DNM2: variants seen among roughly 807,000 people sequenced by gnomAD.
The protein encoded by DNM2 is dynamin 2.
A neutral mutation model predicts 99.0 loss-of-function variants in DNM2; 15 were observed. The observed-to-expected ratio is 0.15, with a 90% CI of 0.10 to 0.23. DNM2 has a LOEUF of 0.23. Ranked by LOEUF, DNM2 falls within the 10% of genes least tolerant of loss-of-function variation. The pLI is 1.00. For synonymous variants in DNM2, 525 were observed against 481.2 expected, an observed-to-expected ratio of 1.09 and a Z score of -1.19; for missense variants, 742 against 1,189.4, an observed-to-expected ratio of 0.62 and a Z score of 5.53.
chr19:10,801,034 G>A (rs538815018), intron 11 of DNM2, among the ~76,000 whole-genome samples: 7 of 152,366 alleles, frequency 4.6e-5, no homozygotes, highest in African/African-American at 9.6e-5. Context: ...GGCTGGACAC[G>A]GTGGCTCACG....
chr19:10,819,199 C>CCTCAA lies in DNM2; in HGVS notation c.1672-780_1672-779insTCAAC, dbSNP rs1223010313. On this transcript the variant is annotated intron_variant, in intron 15 of 20. Coordinates refer to ENST00000389253, the MANE Select transcript of DNM2 (RefSeq NM_001005361.3). ...CAGCACTCTGGGAGGCTCGCTTGAA[C>CCTCAA]CCAGGAGTTTAAGACCAGCCTGGGC... 2.0e-5 allele frequency among the ~76,000 whole-genome samples: 3 copies of CCTCAA among 152,258 alleles called. No homozygotes were observed. The East Asian group carries it at 5.8e-4, about 29-fold the overall frequency.
intron 1 of DNM2, among the ~76,000 whole-genome samples, chr19:10,735,953 CACA>C (rs1394296823): frequency 1.3e-4 from 20 of 152,206 alleles, no homozygotes; most frequent in African/African-American, 4.8e-4. Flanking sequence ...TCTCCAAAAC[CACA>C]TATCTTTCTT....
At chr19:10,722,183 C>T (rs935731529) in intron 1 of DNM2, among the ~76,000 whole-genome samples, 4 of 152,182 alleles carry the variant, frequency 2.6e-5, no homozygotes, top group Middle Eastern at 3.4e-3. Context: ...GTAATGGCTT[C>T]GATTTCAGAA....
intron 1 of DNM2, among the ~76,000 whole-genome samples, chr19:10,754,645 A>T (rs1746370130): frequency 6.6e-6 from 1 of 151,962 alleles, no homozygotes; most frequent in African/African-American, 2.4e-5. Context: ...GCTGGAGTGC[A>T]ACGGCGCAAT....
intron 1 of DNM2, among the ~76,000 whole-genome samples, chr19:10,747,916 A>G (rs2070050458): frequency 6.6e-6 from 1 of 152,144 alleles, no homozygotes; most frequent in Non-Finnish European, 1.5e-5. Flanking sequence ...TGCTCTGTTA[A>G]TGCTGCAGGA....
chr19:10,806,136 G>C (rs1173250384), intron 13 of DNM2, among the ~76,000 whole-genome samples, 169 bp downstream of exon 13: 2 of 152,206 alleles, frequency 1.3e-5, no homozygotes, highest in Non-Finnish European at 2.9e-5. Flanking sequence ...AATTCTGGGA[G>C]ATGGCCTGAG....
rs149825590 is a variant in DNM2 at position 10,831,001 on chromosome 19, G to A, written c.2567G>A (p.Ser856Asn). 1.9e-4 allele frequency: 301 copies of A among 1,611,676 alleles called. No individual in the cohort carries two copies. The highest frequency in any genetic ancestry group is 3.1e-5 in the Non-Finnish European group (37 of 1,179,136). ...VPSRRPPAAPSRPTIIRPAEP... is the reference protein window; with the variant it reads ...VPSRRPPAAPNRPTIIRPAEP... ...AGCAGAAGACCCCCTGCTGCGCCCA[G>A]CCGGCCCACCATTATCCGCCCAGCC... The change falls in exon 21 of 21, where the codon AGC becomes AAC. Residue 856 changes from serine to asparagine, a missense_variant. Physicochemically the swap from Ser to Asn is conservative, Grantham distance 46 (BLOSUM62 1). Transcript: ENST00000389253. This position sits in a 1 kb window ranked among gnomAD's most constrained non-coding sequence, Gnocchi z 4.3.
At position 10,831,621 on chromosome 19, in the gene DNM2, C is replaced by T; in HGVS notation, c.*574C>T. The T allele has an allele frequency of 2.0e-6, 2 of 986,130 alleles. No individual in the cohort carries two copies. Among genetic ancestry groups the T allele is most frequent in the Non-Finnish European group, 2.4e-6 (2 of 830,170 alleles). The allele number at this position is 986,130 out of a possible 1,614,324, so 61.1% of individuals were successfully genotyped here. On this transcript the variant is annotated 3_prime_UTR_variant, in exon 21 of 21. Coordinates refer to ENST00000389253, the MANE Select transcript of DNM2 (RefSeq NM_001005361.3). The surrounding 1 kb of genome is among the most constrained non-coding windows in gnomAD (Gnocchi z 4.3). ...GGCCCAGCCTCGGCTGCCAGAGGTGCCTTTGCTAGGCCCGGAGCCGTTGGC... is the reference window on the plus strand; with the variant it reads ...GGCCCAGCCTCGGCTGCCAGAGGTGTCTTTGCTAGGCCCGGAGCCGTTGGC...
At chr19:10,759,856 G>T (rs1440988930) in intron 2 of DNM2, 45 bp downstream of exon 2, 1 of 1,613,090 alleles carries the variant, frequency 6.2e-7, no homozygotes, top group South Asian at 1.1e-5. Context: ...GGATGTGGAT[G>T]TGTGGTTGCC....
intron 1 of DNM2, among the ~76,000 whole-genome samples, chr19:10,732,472 C>T (rs980050303): frequency 2.0e-5 from 3 of 151,482 alleles, no homozygotes; most frequent in South Asian, 2.1e-4. Context: ...TGGTGGCGAG[C>T]GCCTGTAGTC....
chr19:10,812,391 G>C lies in DNM2; in HGVS notation c.1671+14G>C, dbSNP rs767768534. On this transcript the variant is annotated intron_variant, in intron 15 of 20. Coordinates refer to ENST00000389253, the MANE Select transcript of DNM2 (RefSeq NM_001005361.3). This position sits in a 1 kb window ranked among gnomAD's most constrained non-coding sequence, Gnocchi z 4.0. ...AAGGATGAGGAGGTGAGTGGCAGGC[G>C]GGAGCAGGGCTGCTGGGGTAGGTGG... The C allele has an allele frequency of 1.0e-5, 16 of 1,591,706 alleles. No individual in the cohort carries two copies. Among genetic ancestry groups the C allele is most frequent in the African/African-American group, 1.3e-5 (1 of 74,442 alleles).
At chr19:10,803,752 A>G (rs2072238832) in intron 12 of DNM2, 1 of 943,022 alleles carries the variant, frequency 1.1e-6, no homozygotes, top group African/African-American at 1.8e-5. Flanking sequence ...TGGGTGGGAC[A>G]TCCCTGGGGC....
intron 1 of DNM2, among the ~76,000 whole-genome samples, chr19:10,720,810 G>A (rs2068914230): frequency 6.6e-6 from 1 of 152,188 alleles, no homozygotes; most frequent in South Asian, 2.1e-4. Flanking sequence ...GGCTATTGTT[G>A]TTTATCTGGC....
intron 1 of DNM2, among the ~76,000 whole-genome samples, chr19:10,719,701 CATTATTGTCATTGTTATTGTTGTT>C: frequency 6.6e-6 from 1 of 152,288 alleles, no homozygotes; most frequent in Admixed American, 6.5e-5. Context: ...CTCCTCCTGT[CATTATTGTCATTGTTATTGTTGTT>C]ATCATTGTCA....
At chr19:10,784,419 C>T (rs775881255) in intron 6 of DNM2, among the ~76,000 whole-genome samples, 21 of 152,088 alleles carry the variant, frequency 1.4e-4, no homozygotes, top group African/African-American at 2.7e-4. Flanking sequence ...TGCTTACAAA[C>T]GGGAGTAGGG....
chr19:10,818,986 TG>T lies in DNM2; in HGVS notation c.1672-993del, dbSNP rs2072875918. Among the ~76,000 whole-genome samples, 1 of 151,288 alleles carries T rather than the reference TG, an allele frequency of 6.6e-6. No homozygotes were observed. The highest frequency in any genetic ancestry group is 1.5e-5 in the Non-Finnish European group (1 of 67,792). ...GTGGGCACACACATCACTGGGTGAG[TG>T]TGGGACTCCAGGGTGCCACCCCCAG... is the stretch of plus-strand genomic sequence containing the variant. On this transcript the variant is annotated intron_variant, in intron 15 of 20. Transcript: ENST00000389253. This position sits in a 1 kb window ranked among gnomAD's most constrained non-coding sequence, Gnocchi z 4.3.
intron 6 of DNM2, among the ~76,000 whole-genome samples, chr19:10,783,971 A>G (rs547233534): frequency 1.5e-4 from 23 of 152,226 alleles, no homozygotes; most frequent in African/African-American, 5.1e-4. Context: ...AAGTGCTGAG[A>G]TTACAAGCAT....
intron 18 of DNM2, among the ~76,000 whole-genome samples, chr19:10,828,447 C>T (rs1424936160): frequency 1.4e-5 from 2 of 147,142 alleles, no homozygotes; most frequent in Non-Finnish European, 3.0e-5. Flanking sequence ...ATAAGCTGGG[C>T]GTGGTGGCAG....
At chr19:10,726,522 G>T (rs555628556) in intron 1 of DNM2, among the ~76,000 whole-genome samples, 20 of 152,278 alleles carry the variant, frequency 1.3e-4, no homozygotes, top group African/African-American at 4.6e-4. Context: ...ACCAGAAGTT[G>T]TTCCTGGTTC....
Sources: allele counts gnomAD v4.1 joint callset (sites outside exome capture counted in the v4.1 genomes callset), GRCh38; gene constraint gnomAD v4.1.1; non-coding constraint Gnocchi (gnomAD v3.1); transcripts MANE v1.5; gene names NCBI Gene and HGNC (gene_info 2026-07-23, HGNC 2026-07-21).